RGS3: variants seen among roughly 807,000 people sequenced by gnomAD.
RGS3 encodes regulator of G-protein signalling 3.
Under a neutral mutation model 132.6 loss-of-function variants are expected in RGS3, and 80 were observed. The ratio of observed to expected loss-of-function variants is 0.60; its 90% confidence interval spans 0.50 to 0.73. The LOEUF is 0.73. Among genes scored for constraint, RGS3 ranks in the 30% least tolerant of loss-of-function variants. RGS3 has a pLI of 0.00. For synonymous variants in RGS3, 598 were observed against 620.6 expected, an observed-to-expected ratio of 0.96 and a Z score of 0.54; for missense variants, 1,382 against 1,530.8, an observed-to-expected ratio of 0.90 and a Z score of 1.62.
intron 3 of RGS3, among the ~76,000 whole-genome samples, chr9:113,465,900 G>A (rs1829624476): frequency 6.6e-6 from 1 of 152,150 alleles, no homozygotes; most frequent in Non-Finnish European, 1.5e-5. Flanking sequence ...CTGTTTCCCT[G>A]GGTGCCATTT....
chr9:113,474,249 C>A (rs1025200571), intron 3 of RGS3, among the ~76,000 whole-genome samples: 3 of 152,148 alleles, frequency 2.0e-5, no homozygotes, highest in African/African-American at 7.2e-5. Context: ...ACTGACCCAT[C>A]ACAATTTTTA....
intron 19 of RGS3, among the ~76,000 whole-genome samples, chr9:113,546,675 C>G (rs956493760): frequency 6.6e-5 from 10 of 152,174 alleles, no homozygotes; most frequent in African/African-American, 2.4e-4. Context: ...GAGACCAGAG[C>G]ATGGATCTGC....
In RGS3 at chr9:113,536,925, G is replaced by A. The variant is rs1277103472; in HGVS notation, c.2037+7G>A. 3.1e-6 allele frequency: 5 copies of A among 1,613,400 alleles called. No individual in the cohort carries two copies. In the South Asian group the frequency reaches 4.4e-5, roughly 14 times the overall value. ...ATCACCCCCGGACAGCAAGGTAAGGGCCTTGACAGTGGCTGTGGCCTGGCT... is the reference window on the plus strand; with the variant it reads ...ATCACCCCCGGACAGCAAGGTAAGGACCTTGACAGTGGCTGTGGCCTGGCT... On this transcript the variant is annotated splice_region_variant and intron_variant, in intron 19 of 24. Transcript: ENST00000350696.
intron 19 of RGS3, among the ~76,000 whole-genome samples, chr9:113,545,509 A>T (rs569764941): frequency 6.6e-6 from 1 of 152,184 alleles, no homozygotes; most frequent in Non-Finnish European, 1.5e-5. Context: ...CTGTCCTATC[A>T]GTGGACAGAC....
intron 17 of RGS3, among the ~76,000 whole-genome samples, chr9:113,523,570 G>A (rs1832063891): frequency 6.6e-6 from 1 of 152,124 alleles, no homozygotes; most frequent in South Asian, 2.1e-4. Flanking sequence ...CAGCTGCATG[G>A]CCCTGCGGAG....
At chr9:113,479,298 C>T (rs767660441) in intron 3 of RGS3, 193 bp from the exon 2 acceptor site, 13 of 647,744 alleles carry the variant, frequency 2.0e-5, no homozygotes, top group Admixed American at 5.1e-5. Context: ...TGGAGGCATT[C>T]GAAAGGGACT....
chr9:113,501,612 G>C, intron 10 of RGS3: 1 of 1,562,332 alleles, frequency 6.4e-7, no homozygotes, highest in Non-Finnish European at 8.6e-7. Flanking sequence ...AGGTGTGCTC[G>C]GAGCGCCGCT....
chr9:113,594,055 C>T, intron 21 of RGS3: 3 of 1,613,012 alleles, frequency 1.9e-6, no homozygotes, highest in South Asian at 1.1e-5. Context: ...TTTTTTTCCG[C>T]TCCCCCTCCT....
chr9:113,551,735 T>C (rs576508766), intron 19 of RGS3, among the ~76,000 whole-genome samples: 3 of 152,260 alleles, frequency 2.0e-5, no homozygotes, highest in Admixed American at 2.0e-4. Context: ...GGCAGGCACT[T>C]GTAGTACCAG....
chr9:113,477,011 G>T (rs1457140837), intron 3 of RGS3, among the ~76,000 whole-genome samples: 1 of 152,106 alleles, frequency 6.6e-6, no homozygotes, highest in Non-Finnish European at 1.5e-5. Flanking sequence ...ATGACTGCGG[G>T]CTTCGTTTGC....
exon 25 of RGS3, chr9:113,597,006 C>G (rs757759673): frequency 2.9e-5 from 43 of 1,480,188 alleles, no homozygotes; most frequent in Non-Finnish European, 3.9e-5. Flanking sequence ...GGTCCCCTGC[C>G]CACCTGCCTC....
At chr9:113,516,611 G>A (rs200586726) in intron 15 of RGS3, among the ~76,000 whole-genome samples, 2 of 152,006 alleles carry the variant, frequency 1.3e-5, no homozygotes, top group East Asian at 1.9e-4. Context: ...CACCCGCCTC[G>A]GCCTTCCAAA....
intron 3 of RGS3, chr9:113,478,839 CTAAAACTT>C (rs1407264763): frequency 2.0e-5 from 3 of 152,582 alleles, no homozygotes; most frequent in Non-Finnish European, 4.4e-5. Flanking sequence ...AAACAAAAAC[CTAAAACTT>C]TTCTCAATAA....
chr9:113,549,940 G>A (rs1269592159), intron 19 of RGS3, among the ~76,000 whole-genome samples: 2 of 152,132 alleles, frequency 1.3e-5, no homozygotes, highest in African/African-American at 4.8e-5. Context: ...TGAGTTTGAG[G>A]TTACAGTGAG....
At chr9:113,581,978 C>T (rs1408318888) in intron 19 of RGS3, 4 of 972,996 alleles carry the variant, frequency 4.1e-6, no homozygotes, top group Middle Eastern at 1.0e-3. Context: ...GCCACCTTCT[C>T]TGCTCTGCAG....
chr9:113,477,987 C>T (rs539398578), intron 3 of RGS3, among the ~76,000 whole-genome samples: 19 of 152,216 alleles, frequency 1.2e-4, no homozygotes, highest in Non-Finnish European at 8.8e-5. Flanking sequence ...GAAACATTTT[C>T]GATGTCACCG....
intron 14 of RGS3, among the ~76,000 whole-genome samples, 166 bp from the exon 13 acceptor site, chr9:113,514,292 A>G (rs1449071545): frequency 6.6e-6 from 1 of 152,184 alleles, no homozygotes; most frequent in Non-Finnish European, 1.5e-5. Context: ...GCCCGAGCCC[A>G]TGTGAAGCCT....
intron 8 of RGS3, among the ~76,000 whole-genome samples, chr9:113,496,777 C>T (rs1830697251): frequency 6.6e-6 from 1 of 152,146 alleles, no homozygotes; most frequent in African/African-American, 2.4e-5. Context: ...TCTCAAACTC[C>T]TGACCTCAGG....
At chr9:113,503,951 C>G (rs1831025098) in intron 10 of RGS3, among the ~76,000 whole-genome samples, 1 of 152,124 alleles carries the variant, frequency 6.6e-6, no homozygotes, top group Non-Finnish European at 1.5e-5. Context: ...TGCGTGTTTT[C>G]CCAGAATTCT....
Sources: gnomAD v4.1 joint callset for allele counts (sites outside exome capture counted in the v4.1 genomes callset) on GRCh38, gnomAD v4.1.1 for gene constraint, MANE v1.5 for transcripts, NCBI Gene and HGNC (gene_info 2026-07-23, HGNC 2026-07-21) for gene names.